The following KRT6B variants were observed in gnomAD, a reference collection of about 807,000 sequenced individuals.
KRT6B encodes the protein keratin, type II cytoskeletal 6B.
Under a neutral mutation model 44.7 loss-of-function variants are expected in KRT6B, and 29 were observed. The ratio of observed to expected loss-of-function variants is 0.65; its 90% CI spans 0.48 to 0.88. KRT6B has a LOEUF of 0.88. KRT6B is among the 40% of genes least tolerant of loss of function. The pLI is 0.00. For missense variants in KRT6B, 600 were observed against 724.0 expected, an observed-to-expected ratio of 0.83 and a Z score of 1.97; for synonymous variants, 213 against 296.0, an observed-to-expected ratio of 0.72 and a Z score of 2.88.
In KRT6B at chr12:52,448,735, T is replaced by C. The variant is rs917690795; in HGVS notation, c.1203+107A>G. 116 of 1,580,884 alleles carry C rather than the reference T, an allele frequency of 7.3e-5. 1 individual carries two copies. The African/African-American group carries it at 1.5e-3, about 21-fold the overall frequency. On this transcript the variant is annotated intron_variant, in intron 6 of 8. Transcript: ENST00000252252. ...TAGGAACTGCATGTCTTTCCTTCTC[T>C]GCTTATCAATCAATTCCCAAAGAAT...
In KRT6B at chr12:52,451,976, T is replaced by G; in HGVS notation, c.103A>C (p.Ser35Arg). The change falls in exon 1 of 9, where the codon AGC becomes CGC. Residue 35 changes from serine (S) to arginine (R), a missense_variant. By Grantham distance (110) the Ser-to-Arg change is moderately radical (BLOSUM62 -1). Around this residue, in one of 4 missense-constraint regions of KRT6B, gnomAD observed 78 missense variants for 97.5 expected, o/e 0.80. Transcript: ENST00000252252. ...LPGVSRSGFS[S>R]ISVSRSRGSG... ...CCCCTGGAGCGGGACACGGAGATGC[T>G]GCTGAAGCCAGAGCGGCTGACCCCA... 6.2e-7 allele frequency: 1 copy of G among 1,613,720 alleles called. No individual in the cohort carries two copies. Among genetic ancestry groups the G allele is most frequent in the Non-Finnish European group, 8.5e-7 (1 of 1,180,022 alleles).
At chr12:52,451,183 C>T (rs1940397551) in intron 1 of KRT6B, among the ~76,000 whole-genome samples, 2 of 151,066 alleles carry the variant, frequency 1.3e-5, no homozygotes, top group African/African-American at 2.5e-5. Flanking sequence ...TTCCTCTTAC[C>T]CAGACCCCAG....
At position 52,450,542 on chromosome 12, in the gene KRT6B, T is replaced by C; in HGVS notation, c.619A>G (p.Arg207Gly). Residue 207 changes from arginine to glycine, a missense_variant, in exon 2 of 9, where the codon AGG becomes GGG. Around this residue, in one of 4 missense-constraint regions of KRT6B, gnomAD observed 479 missense variants for 454.2 expected, o/e 1.05. Coordinates refer to ENST00000252252, the MANE Select transcript of KRT6B (RefSeq NM_005555.4). ...TCGAACAACGGCTCCAGGTTCTGCCTCACAGTCTTGGTGCCCTGCTCCTGC... is the reference window on the plus strand; with the variant it reads ...TCGAACAACGGCTCCAGGTTCTGCCCCACAGTCTTGGTGCCCTGCTCCTGC... ...LLQEQGTKTVRQNLEPLFEQY... is the reference protein window; with the variant it reads ...LLQEQGTKTVGQNLEPLFEQY... The C allele has an allele frequency of 6.2e-7, 1 of 1,614,244 alleles. No homozygotes were observed. The highest frequency in any genetic ancestry group is 1.3e-5 in the African/African-American group (1 of 75,058).
intron 2 of KRT6B, 80 bp from the exon 3 acceptor site, chr12:52,450,152 C>T: frequency 6.2e-7 from 1 of 1,611,664 alleles, no homozygotes; most frequent in East Asian, 2.2e-5. Context: ...TCAACATTTT[C>T]CTGAATGGAA....
intron 1 of KRT6B, 85 bp from the exon 2 acceptor site, chr12:52,450,705 G>T (rs1592170724): frequency 1.3e-6 from 2 of 1,595,064 alleles, no homozygotes. Flanking sequence ...GGTCTGGGAG[G>T]TCCCCATGGT....
intron 8 of KRT6B, 35 bp downstream of exon 8, chr12:52,447,504 A>G (rs1306263697): frequency 5.0e-6 from 8 of 1,613,580 alleles, no homozygotes; most frequent in Non-Finnish European, 6.8e-6. Flanking sequence ...AGGAGAGTGC[A>G]AGGGCAGGGG....
Position 52,447,404 on chromosome 12 carries a change from G to C in KRT6B, c.1481C>G (p.Ser494Cys). 1 of 1,614,088 alleles carries C rather than the reference G, an allele frequency of 6.2e-7. No individual in the cohort carries two copies. Among genetic ancestry groups the C allele is most frequent in the Non-Finnish European group, 8.5e-7 (1 of 1,179,956 alleles). The change falls in exon 9 of 9, where the codon TCC becomes TGC. Residue 494 changes from serine to cysteine, a missense_variant. Ser to Cys is a moderately radical substitution (Grantham distance 112). Transcript: ENST00000252252. The stretch of plus-strand genomic sequence containing the variant: ...ACCGCTGGCACCGCCATAGCCACTG[G>C]AGACGGTGGACTGCACTACAGCTGT... ...VNISVVQSTV[S>C]SGYGGASGVG...
Position 52,447,870 on chromosome 12 carries a change from C to G in KRT6B, c.1332G>C (p.Leu444=). 2 of 1,614,202 alleles carry G rather than the reference C, an allele frequency of 1.2e-6. No individual in the cohort carries two copies. Among genetic ancestry groups the G allele is most frequent in the Non-Finnish European group, 1.7e-6 (2 of 1,180,050 alleles). ...TCATCAGCTCCTGGTACTCCTTCAG[C>G]AGCCGGGCCAGGTCCTGCTTGGCCT... ...LQKAKQDLAR[L]LKEYQELMNV... Residue 444 remains leucine (L), a synonymous_variant, in exon 7 of 9, where the codon CTG becomes CTC. Transcript: ENST00000252252.
At position 52,448,124 on chromosome 12, in the gene KRT6B, CTTCCTGTCT is replaced by C. The variant is rs1940342600; in HGVS notation, c.1204-135_1204-127del. 5.6e-6 allele frequency: 7 copies of C among 1,239,240 alleles called. No homozygotes were observed. In the African/African-American group the frequency reaches 7.5e-5, roughly 13 times the overall value. 76.8% of individuals were successfully genotyped at this position (1,239,240 alleles called of 1,614,324 possible). Reference sequence around the variant, plus strand: ...AACTGATGGTAAATGAGCTCTGACTCTTCCTGTCTAGCCTTTTTACTGTCTTCAAAGTTT... The same window carrying C: ...AACTGATGGTAAATGAGCTCTGACTCAGCCTTTTTACTGTCTTCAAAGTTT... On this transcript the variant is annotated intron_variant, in intron 6 of 8. Coordinates refer to ENST00000252252, the MANE Select transcript of KRT6B (RefSeq NM_005555.4).
rs562648897 is a variant in KRT6B, at chr12:52,451,882, C to T, written c.197G>A (p.Gly66Asp). 4.4e-5 allele frequency: 71 copies of T among 1,611,852 alleles called. No homozygotes were observed. In the Admixed American group the frequency reaches 9.5e-4, roughly 22 times the overall value. Residue 66 changes from glycine to aspartate, a missense_variant, in exon 1 of 9, where the codon GGC becomes GAC. By Grantham distance (94) the Gly-to-Asp change is moderately conservative. Transcript: ENST00000252252. ...CCCTCCAATGGAGATCCTCTTGGAG[C>T]CCCCCAGGCCATACAGACTGCGGCT... ...FGSRSLYGLG[G>D]SKRISIGGGS...
In KRT6B at chr12:52,447,165, G is replaced by A; in HGVS notation, c.*25C>T. The A allele has an allele frequency of 6.2e-7, 1 of 1,613,420 alleles. No individual in the cohort carries two copies. The highest frequency in any genetic ancestry group is 1.7e-5 in the Admixed American group (1 of 60,022). ...TGCCAGAGAGGGGCCTGAGAGCTGT[G>A]GGACTGAGAGCTGGCGGCAGCACTT... is the stretch of plus-strand genomic sequence containing the variant. On this transcript the variant is annotated 3_prime_UTR_variant, in exon 9 of 9. Coordinates refer to ENST00000252252, the MANE Select transcript of KRT6B (RefSeq NM_005555.4).
At chr12:52,450,671 G>C (rs750348751) in intron 1 of KRT6B, 51 bp from the exon 2 acceptor site, 5 of 1,613,790 alleles carry the variant, frequency 3.1e-6, no homozygotes, top group Non-Finnish European at 2.5e-6. Flanking sequence ...GGCAGAGAAA[G>C]TGTCTGGTAT....
chr12:52,449,731 A>G, intron 4 of KRT6B, 27 bp downstream of exon 4: 1 of 1,614,138 alleles, frequency 6.2e-7, no homozygotes, highest in Non-Finnish European at 8.5e-7. Flanking sequence ...CCATCAGAGT[A>G]AACAGAAGGA....
In KRT6B at chr12:52,448,847, T is replaced by C. The variant is rs139792514; in HGVS notation, c.1198A>G (p.Lys400Glu). 41 of 1,614,090 alleles carry C rather than the reference T, an allele frequency of 2.5e-5. No homozygotes were observed. The highest frequency in any genetic ancestry group is 3.3e-5 in the Admixed American group (2 of 60,014). ...TCCATTGCCCCTCACCATACCTGCT[T>C]CTTGACGTGGTCGATCTCAGATCTC... ...RLRSEIDHVK[K>E]QCANLQAAIA... The change falls in exon 6 of 9, where the codon AAG (lysine) becomes GAG (glutamate). Residue 400 changes from lysine to glutamate, a missense_variant. This residue lies in a region of KRT6B where 479 missense variants were observed against 454.2 expected (regional missense o/e 1.05). Coordinates refer to ENST00000252252, the MANE Select transcript of KRT6B (RefSeq NM_005555.4).
chr12:52,449,988 G>T, intron 3 of KRT6B, 24 bp downstream of exon 3: 2 of 1,613,900 alleles, frequency 1.2e-6, no homozygotes, highest in Non-Finnish European at 1.7e-6. Context: ...AAATGAATTT[G>T]AACCCCTGGC....
rs1296142268 is a variant in KRT6B, at chr12:52,446,788, T to C, written c.*402A>G. ...CACTGCAAGAGAAGATCAGGACAAC[T>C]GACTTGTCAGATGAGAACTCCTGAG... On this transcript the variant is annotated 3_prime_UTR_variant, in exon 9 of 9. Transcript: ENST00000252252. 3.7e-6 allele frequency: 1 copy of C among 268,864 alleles called. No homozygotes were observed. Among genetic ancestry groups the C allele is most frequent in the African/African-American group, 2.2e-5 (1 of 45,786 alleles). 16.7% of individuals were successfully genotyped at this position (268,864 alleles called of 1,614,324 possible).
In KRT6B at chr12:52,450,536, T is replaced by A; in HGVS notation, c.625A>T (p.Asn209Tyr). ...TACTGCTCGAACAACGGCTCCAGGT[T>A]CTGCCTCACAGTCTTGGTGCCCTGC... ...QEQGTKTVRQ[N>Y]LEPLFEQYIN... Residue 209 changes from asparagine (N) to tyrosine (Y), a missense_variant, in exon 2 of 9, where the codon AAC (asparagine) becomes TAC (tyrosine). Asn to Tyr is a moderately radical substitution (Grantham distance 143). Around this residue, in one of 4 missense-constraint regions of KRT6B, gnomAD observed 479 missense variants for 454.2 expected, o/e 1.05. Coordinates refer to ENST00000252252, the MANE Select transcript of KRT6B (RefSeq NM_005555.4). 6.2e-7 allele frequency: 1 copy of A among 1,614,264 alleles called. No homozygotes were observed. The highest frequency in any genetic ancestry group is 8.5e-7 in the Non-Finnish European group (1 of 1,180,036).
At position 52,450,477 on chromosome 12, in the gene KRT6B, G is replaced by T. The variant is rs370270393; in HGVS notation, c.684C>A (p.Ile228=). The T allele has an allele frequency of 6.2e-7, 1 of 1,614,170 alleles. No homozygotes were observed. The highest frequency in any genetic ancestry group is 8.5e-7 in the Non-Finnish European group (1 of 1,180,058). Residue 228 remains isoleucine, a synonymous_variant, in exon 2 of 9, where the codon ATC becomes ATA. Transcript: ENST00000252252. ...AGTCCAGACGACCCCGTTCCCCCACGATGTTGTCCAGCTGCCTCCTGAGGT... is the reference window on the plus strand; with the variant it reads ...AGTCCAGACGACCCCGTTCCCCCACTATGTTGTCCAGCTGCCTCCTGAGGT... ...INNLRRQLDN[I]VGERGRLDSE...
At chr12:52,450,644 T>C in intron 1 of KRT6B, 24 bp from the exon 2 acceptor site, 1 of 1,614,020 alleles carries the variant, frequency 6.2e-7, no homozygotes, top group Non-Finnish European at 8.5e-7. Context: ...AAAATGGTCA[T>C]TTTCCAGGAA....
Sources: allele counts gnomAD v4.1 joint callset (sites outside exome capture counted in the v4.1 genomes callset), GRCh38; gene constraint gnomAD v4.1.1; regional missense constraint gnomAD v4.1.1; transcripts MANE v1.5; gene names NCBI Gene and HGNC (gene_info 2026-07-23, HGNC 2026-07-21).